The following CBLB variants were observed in gnomAD, a reference collection of about 807,000 sequenced individuals.
CBLB encodes E3 ubiquitin-protein ligase CBL-B.
Under a neutral mutation model 104.9 loss-of-function variants are expected in CBLB, and 31 were observed. The observed-to-expected ratio is 0.30, with a 90% CI of 0.22 to 0.40. CBLB has a LOEUF of 0.40. Among genes scored for constraint, CBLB ranks in the 10% least tolerant of loss-of-function variants. The pLI is 1.00. For missense variants in CBLB, 1,062 were observed against 1,214.6 expected (o/e 0.87, Z 1.87); for synonymous variants, 440 against 422.6 (o/e 1.04, Z -0.51).
chr3:105,788,372 T>C (rs1454915569), intron 3 of CBLB, among the ~76,000 whole-genome samples: 1 of 149,930 alleles, frequency 6.7e-6, no homozygotes, highest in East Asian at 1.9e-4. Context: ...AAAGCAGGAG[T>C]GTCCAATCTT....
At chr3:105,806,763 C>T (rs897084418) in intron 3 of CBLB, among the ~76,000 whole-genome samples, 1 of 151,878 alleles carries the variant, frequency 6.6e-6, no homozygotes, top group Admixed American at 6.6e-5. Context: ...GGAGATATGG[C>T]AAAAATATCC....
Position 105,823,427 on chromosome 3 carries a change from G to T in CBLB, c.419+29987C>A, listed in dbSNP as rs1052533096. 3.9e-5 allele frequency among the ~76,000 whole-genome samples: 6 copies of T among 152,204 alleles called. No homozygotes were observed. The East Asian group carries it at 1.2e-3, about 29-fold the overall frequency. ...CTTGCTATACCTGTCTCCCTTAGTG[G>T]TCACAGCAATTGAGCATATACATTT... On this transcript the variant is annotated intron_variant, in intron 3 of 18. Transcript: ENST00000394030.
chr3:105,681,452 G>T, intron 16 of CBLB, 27 bp downstream of exon 16: 1 of 1,611,392 alleles, frequency 6.2e-7, no homozygotes, highest in Non-Finnish European at 8.5e-7. Flanking sequence ...GGGGTGGGTT[G>T]TTCAAAACTT....
chr3:105,736,665 A>G (rs2152867190), intron 8 of CBLB, among the ~76,000 whole-genome samples: 1 of 152,266 alleles, frequency 6.6e-6, no homozygotes, highest in South Asian at 2.1e-4. Context: ...TATTACATAT[A>G]TAGAATTTAA....
intron 3 of CBLB, among the ~76,000 whole-genome samples, chr3:105,836,590 T>C (rs573120944): frequency 6.0e-4 from 92 of 152,254 alleles, no homozygotes; most frequent in Middle Eastern, 3.4e-3. Context: ...TACGGGCAAG[T>C]TTCGGAACCA....
chr3:105,784,379 A>G (rs1466496098), intron 3 of CBLB, among the ~76,000 whole-genome samples: 1 of 152,194 alleles, frequency 6.6e-6, no homozygotes, highest in Non-Finnish European at 1.5e-5. Context: ...TTCTTTGATT[A>G]TTTTTCAAAA....
intron 13 of CBLB, 103 bp from the exon 14 acceptor site, chr3:105,685,569 T>C (rs2066904883): frequency 1.1e-6 from 1 of 894,196 alleles, no homozygotes; most frequent in Non-Finnish European, 1.8e-6. Flanking sequence ...ATCACTTATG[T>C]TCATTTTTCA....
chr3:105,663,034 T>G lies in CBLB; in HGVS notation c.2690-3805A>C, dbSNP rs559530146. On this transcript the variant is annotated intron_variant, in intron 18 of 18. Coordinates refer to ENST00000394030, the MANE Select transcript of CBLB (RefSeq NM_170662.5). ...TCACTACGAGAGTTACTACTGTTAC[T>G]ACCTGAGACCTTCACTATCACAGTT... is the stretch of plus-strand genomic sequence containing the variant. Among the ~76,000 whole-genome samples the G allele has an allele frequency of 6.9e-4, 105 of 152,288 alleles. 1 individual carries two copies. The highest frequency in any genetic ancestry group is 2.9e-3 in the Admixed American group (45 of 15,300).
At chr3:105,793,240 C>T (rs1309749743) in intron 3 of CBLB, among the ~76,000 whole-genome samples, 5 of 151,718 alleles carry the variant, frequency 3.3e-5, no homozygotes, top group Non-Finnish European at 4.4e-5. Flanking sequence ...CAGGAAATGC[C>T]GCTACATTCT....
At chr3:105,687,488 T>A (rs2067157160) in intron 13 of CBLB, among the ~76,000 whole-genome samples, 1 of 152,092 alleles carries the variant, frequency 6.6e-6, no homozygotes, top group African/African-American at 2.4e-5. Context: ...TAATACTTCA[T>A]GGAATAATAA....
intron 13 of CBLB, among the ~76,000 whole-genome samples, chr3:105,687,404 T>C (rs2067146469): frequency 6.6e-6 from 1 of 152,076 alleles, no homozygotes; most frequent in African/African-American, 2.4e-5. Context: ...ATTTCTCGAG[T>C]AATTTCCCCC....
chr3:105,785,100 T>C (rs2080816016), intron 3 of CBLB, among the ~76,000 whole-genome samples: 1 of 152,210 alleles, frequency 6.6e-6, no homozygotes, highest in African/African-American at 2.4e-5. Context: ...TACATAGATA[T>C]TGTGTTTCAG....
chr3:105,856,108 T>TAGG (rs2091564666), intron 2 of CBLB, among the ~76,000 whole-genome samples: 1 of 151,972 alleles, frequency 6.6e-6, no homozygotes, highest in Non-Finnish European at 1.5e-5. Flanking sequence ...CCCCAGCACT[T>TAGG]TGGGAGGCCG....
intron 3 of CBLB, among the ~76,000 whole-genome samples, chr3:105,802,890 CAT>C (rs2083058179): frequency 6.6e-6 from 1 of 152,136 alleles, no homozygotes; most frequent in South Asian, 2.1e-4. Flanking sequence ...AATTTATACA[CAT>C]ATATGTATAT....
intron 3 of CBLB, among the ~76,000 whole-genome samples, chr3:105,798,948 ACT>A (rs1475529822): frequency 2.0e-5 from 3 of 152,080 alleles, no homozygotes; most frequent in Non-Finnish European, 4.4e-5. Context: ...ATTAAGTTGG[ACT>A]CCAGAACAGT....
chr3:105,838,665 TTC>T (rs1491227845), intron 3 of CBLB, among the ~76,000 whole-genome samples: 47 of 144,288 alleles, frequency 3.3e-4, no homozygotes, highest in Non-Finnish European at 5.0e-4. Context: ...AAATGTATCC[TTC>T]TTTTTTTTTT....
chr3:105,656,625 C>T lies in CBLB; in HGVS notation c.*2345G>A, dbSNP rs1488044609. 1 of 105,760 alleles carries T rather than the reference C, an allele frequency of 9.5e-6. No homozygotes were observed. The highest frequency in any genetic ancestry group is 3.7e-5 in the African/African-American group (1 of 26,694). 6.6% of individuals were successfully genotyped at this position (105,760 alleles called of 1,614,324 possible). ...AAAACAGATATCCCCCCACCCCCCA[C>T]CCCCAAATTTCAGGTCCAGGTTTGC... On this transcript the variant is annotated 3_prime_UTR_variant, in exon 19 of 19. Transcript: ENST00000394030.
chr3:105,742,475 T>C (rs2075701771), intron 6 of CBLB, among the ~76,000 whole-genome samples: 1 of 152,046 alleles, frequency 6.6e-6, no homozygotes, highest in Admixed American at 6.6e-5. Flanking sequence ...TTCAAAAAAG[T>C]CTAAAAACAT....
chr3:105,846,521 G>C (rs1256419938), intron 3 of CBLB, among the ~76,000 whole-genome samples: 1 of 152,046 alleles, frequency 6.6e-6, no homozygotes, highest in Non-Finnish European at 1.5e-5. Flanking sequence ...GTAGCATTTA[G>C]TCTGAAACAA....
Sources: allele counts gnomAD v4.1 joint callset (sites outside exome capture counted in the v4.1 genomes callset), GRCh38; gene constraint gnomAD v4.1.1; transcripts MANE v1.5; gene names NCBI Gene and HGNC (gene_info 2026-07-23, HGNC 2026-07-21).